Variants in RANBP2 observed in about 807,000 individuals in gnomAD.
The protein encoded by RANBP2 is E3 SUMO-protein ligase RanBP2.
A neutral mutation model predicts 303.6 loss-of-function variants in RANBP2; 57 were observed. The observed-to-expected ratio is 0.19, with a 90% CI of 0.15 to 0.23. The LOEUF is 0.23. Among genes scored for constraint, RANBP2 ranks in the 10% least tolerant of loss-of-function variants. RANBP2 has a pLI of 1.00. For missense variants in RANBP2, 3,138 were observed against 3,780.8 expected (o/e 0.83, Z 4.46); for synonymous variants, 1,167 against 1,301.5 (o/e 0.90, Z 2.23).
chr2:109,568,507 G>A, the RANBP2 span, among the ~76,000 whole-genome samples: 1 of 151,848 alleles, frequency 6.6e-6, no homozygotes. Context: ...AAGTAGCTGG[G>A]ATTACAGGCA....
the RANBP2 span, among the ~76,000 whole-genome samples, chr2:109,516,521 C>T: frequency 6.6e-6 from 1 of 152,248 alleles, no homozygotes; most frequent in Admixed American, 6.5e-5. Flanking sequence ...GAGAGCCCGC[C>T]CTTCCTCAGG....
At chr2:108,806,125 T>C in the RANBP2 span, among the ~76,000 whole-genome samples, 1 of 152,226 alleles carries the variant, frequency 6.6e-6, no homozygotes, top group Non-Finnish European at 1.5e-5. Flanking sequence ...TTTTCTCACC[T>C]GATCTAATTC....
the RANBP2 span, among the ~76,000 whole-genome samples, chr2:108,850,515 G>T: frequency 1.3e-5 from 2 of 151,996 alleles, no homozygotes; most frequent in African/African-American, 2.4e-5. Flanking sequence ...GCAGTGGCAC[G>T]ATCTTGGCTC....
rs527997141 is a variant in RANBP2, at chr2:108,764,611, T to G, written c.4072T>G (p.Cys1358Gly). ...AAAGAAAGAAGGGTCTTGGTGGCAT[T>G]GTAACAGCTGCTCATTAAAGAATGC... The part of the protein sequence containing the change: ...VAKKEGSWWH[C>G]NSCSLKNAST... Residue 1358 changes from cysteine (C) to glycine (G), a missense_variant, in exon 20 of 29, where the codon TGT becomes GGT. Cys to Gly is a radical substitution (Grantham distance 159). Around this residue, in one of 20 missense-constraint regions of RANBP2, gnomAD observed 388 missense variants for 328.5 expected, o/e 1.18. Transcript: ENST00000283195. 6.2e-7 allele frequency: 1 copy of G among 1,614,074 alleles called. No homozygotes were observed. Among genetic ancestry groups the G allele is most frequent in the South Asian group, 1.1e-5 (1 of 91,086 alleles).
chr2:108,766,949 A>G lies in RANBP2; in HGVS notation c.6410A>G (p.Gln2137Arg). The G allele has an allele frequency of 6.2e-7, 1 of 1,609,412 alleles. No individual in the cohort carries two copies. The highest frequency in any genetic ancestry group is 1.7e-5 in the Admixed American group (1 of 60,006). The change falls in exon 20 of 29, where the codon CAG becomes CGG. Residue 2137 changes from glutamine to arginine, a missense_variant. Coordinates refer to ENST00000283195, the MANE Select transcript of RANBP2 (RefSeq NM_006267.5). Reference protein sequence around the residue: ...KTPELAEEFKQKFEECQRLLL... With the variant: ...KTPELAEEFKRKFEECQRLLL... ...CCAGAGCTGGCTGAAGAATTCAAGCAGAAATTTGAGGAATGCCAGCGGCTT... is the reference window on the plus strand; with the variant it reads ...CCAGAGCTGGCTGAAGAATTCAAGCGGAAATTTGAGGAATGCCAGCGGCTT...
At chr2:109,718,129 T>C in the RANBP2 span, among the ~76,000 whole-genome samples, 2 of 152,156 alleles carry the variant, frequency 1.3e-5, no homozygotes, top group African/African-American at 4.8e-5. Flanking sequence ...GGTGGAAATG[T>C]AAAATGATGC....
the RANBP2 span, chr2:109,615,181 C>T: frequency 6.5e-7 from 1 of 1,548,856 alleles, no homozygotes; most frequent in East Asian, 2.4e-5. Context: ...GGCAGCTCCT[C>T]CGGGGGAGGA....
the RANBP2 span, among the ~76,000 whole-genome samples, chr2:109,071,232 A>G: frequency 7.2e-5 from 11 of 152,328 alleles, no homozygotes; most frequent in Admixed American, 2.6e-4. Flanking sequence ...GTAATGGAAA[A>G]GGTAAATTCA....
intron 19 of RANBP2, among the ~76,000 whole-genome samples, chr2:108,762,849 G>A (rs1276780571): frequency 2.0e-5 from 3 of 151,886 alleles, no homozygotes; most frequent in Non-Finnish European, 4.4e-5. Context: ...TGATAAATTA[G>A]GAATGAAGAA....
the RANBP2 span, among the ~76,000 whole-genome samples, chr2:109,520,948 G>A: frequency 8.0e-5 from 12 of 149,632 alleles, no homozygotes; most frequent in Non-Finnish European, 1.8e-4. Context: ...AAAAAAAAAA[G>A]GCCGGGCGCG....
At chr2:109,578,622 C>T in the RANBP2 span, among the ~76,000 whole-genome samples, 95 of 152,174 alleles carry the variant, frequency 6.2e-4, no homozygotes, top group South Asian at 0.019. Flanking sequence ...CAAAAATTAG[C>T]TCGGAGTGCT....
At chr2:109,221,388 G>A in the RANBP2 span, among the ~76,000 whole-genome samples, 1 of 152,146 alleles carries the variant, frequency 6.6e-6, no homozygotes, top group African/African-American at 2.4e-5. Context: ...TTTGAGACCA[G>A]CCTGGCCAAT....
the RANBP2 span, among the ~76,000 whole-genome samples, chr2:109,471,713 C>A: frequency 6.6e-6 from 1 of 152,204 alleles, no homozygotes; most frequent in Non-Finnish European, 1.5e-5. Context: ...CCACTCACCC[C>A]CTTGCTGTCT....
At chr2:109,297,084 G>A in the RANBP2 span, among the ~76,000 whole-genome samples, 62 of 152,138 alleles carry the variant, frequency 4.1e-4, no homozygotes, top group Admixed American at 1.6e-3. Context: ...TCCAGGTGGG[G>A]GGTGACCGGG....
At chr2:109,648,813 C>T in the RANBP2 span, among the ~76,000 whole-genome samples, 3 of 152,172 alleles carry the variant, frequency 2.0e-5, no homozygotes, top group African/African-American at 4.8e-5. Context: ...GCCACCACTT[C>T]GGGCTCATTT....
At chr2:108,793,574 C>A in the RANBP2 span, among the ~76,000 whole-genome samples, 1 of 151,856 alleles carries the variant, frequency 6.6e-6, no homozygotes, top group Admixed American at 6.6e-5. Flanking sequence ...TACTTATATA[C>A]CCTCAGGAAA....
At chr2:109,363,953 A>G in the RANBP2 span, among the ~76,000 whole-genome samples, 14 of 152,254 alleles carry the variant, frequency 9.2e-5, no homozygotes, top group South Asian at 2.1e-4. Flanking sequence ...TCTGGCATCT[A>G]TCCTGCTTGT....
At chr2:109,586,251 A>G in the RANBP2 span, among the ~76,000 whole-genome samples, 1 of 152,230 alleles carries the variant, frequency 6.6e-6, no homozygotes. Context: ...AGCTCCTGGT[A>G]ATGGCAGAGT....
the RANBP2 span, among the ~76,000 whole-genome samples, chr2:109,025,243 G>A: frequency 6.6e-6 from 1 of 152,120 alleles, no homozygotes; most frequent in East Asian, 1.9e-4. Flanking sequence ...ACTGCACTTT[G>A]TTTAACTGTT....
Sources: gnomAD v4.1 joint callset for allele counts (sites outside exome capture counted in the v4.1 genomes callset) on GRCh38, gnomAD v4.1.1 for gene constraint, gnomAD v4.1.1 regional missense constraint, MANE v1.5 for transcripts, NCBI Gene and HGNC (gene_info 2026-07-23, HGNC 2026-07-21) for gene names.